The following DOCK9 variants were observed in gnomAD, a reference collection of about 807,000 sequenced individuals.
DOCK9 encodes the protein dedicator of cytokinesis protein 9.
DOCK9 carries 89 observed loss-of-function variants against 263.3 expected under a neutral mutation model. That is an observed-to-expected ratio of 0.34 (90% CI 0.28 to 0.40). The LOEUF (loss-of-function observed/expected upper bound fraction) is 0.40. Among genes scored for constraint, DOCK9 ranks in the 10% least tolerant of loss-of-function variants. The probability of loss-of-function intolerance (pLI) is 1.00; values close to 1 mark genes in which losing one functional copy is unlikely to be tolerated. For missense variants in DOCK9, 2,140 were observed against 2,603.4 expected, an observed-to-expected ratio of 0.82 and a Z score of 3.87; for synonymous variants, 976 against 973.1, an observed-to-expected ratio of 1.00 and a Z score of -0.06.
intron 38 of DOCK9, among the ~76,000 whole-genome samples, chr13:98,841,645 G>C (rs1266473419): frequency 7.1e-6 from 1 of 140,420 alleles, no homozygotes; most frequent in African/African-American, 2.6e-5. Flanking sequence ...TTTTGGAGAC[G>C]AAGTCTCGCT....
intron 34 of DOCK9, 28 bp downstream of exon 34, chr13:98,855,870 A>G: frequency 6.2e-7 from 1 of 1,612,050 alleles, no homozygotes; most frequent in South Asian, 1.1e-5. Flanking sequence ...ATTATAAGAA[A>G]CATTTGTGTT....
chr13:98,915,635 T>A, intron 7 of DOCK9, 132 bp from the exon 8 acceptor site: 1 of 756,060 alleles, frequency 1.3e-6, no homozygotes, highest in Non-Finnish European at 2.0e-6. Context: ...GCTTGCCCCC[T>A]CCTCATGAAA....
At chr13:98,854,391 A>G (rs1194472639) in intron 34 of DOCK9, 1 of 151,530 alleles carries the variant, frequency 6.6e-6, no homozygotes, top group East Asian at 1.9e-4. Flanking sequence ...TGGCCAATTG[A>G]AAAAAAAATT....
intron 1 of DOCK9, among the ~76,000 whole-genome samples, chr13:99,049,612 G>A (rs2040595022): frequency 6.6e-6 from 1 of 152,092 alleles, no homozygotes; most frequent in South Asian, 2.1e-4. Context: ...CAACCTCTAG[G>A]CTCAAGTGAT....
intron 47 of DOCK9, 56 bp downstream of exon 47, chr13:98,809,296 T>G: frequency 1.4e-6 from 2 of 1,459,772 alleles, no homozygotes; most frequent in Non-Finnish European, 1.9e-6. Flanking sequence ...TTTGTTTTTG[T>G]TTTTGTTTTT....
At chr13:98,918,546 C>G (rs1003185536) in intron 7 of DOCK9, among the ~76,000 whole-genome samples, 3 of 151,818 alleles carry the variant, frequency 2.0e-5, no homozygotes, top group African/African-American at 7.3e-5. Context: ...AAGAGAAGAC[C>G]ACAAAGAACA....
intron 18 of DOCK9, among the ~76,000 whole-genome samples, chr13:98,887,615 CAAAAAAAA>C (rs58976892): frequency 0.066 from 2,466 of 37,184 alleles, 33 homozygotes; most frequent in Non-Finnish European, 0.084. Context: ...GACTCCATCT[CAAAAAAAA>C]AAAAAAAAAA....
At chr13:98,834,780 G>C (rs778180188) in intron 39 of DOCK9, among the ~76,000 whole-genome samples, 1 of 152,168 alleles carries the variant, frequency 6.6e-6, no homozygotes, top group Non-Finnish European at 1.5e-5. Context: ...GTATATATCT[G>C]ATACCTGCTA....
At chr13:99,080,347 C>T (rs1313075671) in intron 1 of DOCK9, among the ~76,000 whole-genome samples, 1 of 152,144 alleles carries the variant, frequency 6.6e-6, no homozygotes, top group African/African-American at 2.4e-5. Context: ...AAAACAGTCA[C>T]ATTATTTACT....
At chr13:98,915,690 A>G (rs2050786515) in intron 7 of DOCK9, among the ~76,000 whole-genome samples, 187 bp from the exon 8 acceptor site, 1 of 132,298 alleles carries the variant, frequency 7.6e-6, no homozygotes, top group South Asian at 2.6e-4. Context: ...TCCCTGCTTC[A>G]CTTTCTGCAA....
intron 52 of DOCK9, among the ~76,000 whole-genome samples, chr13:98,796,001 C>T (rs562288490): frequency 6.6e-6 from 1 of 152,192 alleles, no homozygotes; most frequent in African/African-American, 2.4e-5. Context: ...TCAGATGATC[C>T]ACCCATCTTG....
chr13:99,015,963 C>G (rs1885349054), intron 1 of DOCK9: 1 of 204,324 alleles, frequency 4.9e-6, no homozygotes, highest in Admixed American at 6.3e-5. Context: ...ACTGCCGGCT[C>G]CTGTGATTTG....
chr13:99,029,019 G>A (rs1887066288), intron 1 of DOCK9, among the ~76,000 whole-genome samples: 1 of 152,124 alleles, frequency 6.6e-6, no homozygotes, highest in Non-Finnish European at 1.5e-5. Context: ...TCTCTGTTAG[G>A]CTCTGCCACC....
At position 98,886,600 on chromosome 13, in the gene DOCK9, G is replaced by A. The variant is rs745830582; in HGVS notation, c.2068C>T (p.Pro690Ser). Residue 690 changes from proline to serine, a missense_variant, in exon 19 of 53, where the codon CCA becomes TCA. This residue lies in a region of DOCK9 where 1,521 missense variants were observed against 1,741.7 expected (regional missense o/e 0.87). Coordinates refer to ENST00000682017, the MANE Select transcript of DOCK9 (RefSeq NM_001366683.2). ...LKCIYGRPGG[P>S]VFTRSAFAAV... The stretch of plus-strand genomic sequence containing the variant: ...GCAAAGGCGCTTCTTGTGAAAACTG[G>A]CCCACCAGGTCTGCCATAAATGCAC... The A allele has an allele frequency of 6.2e-7, 1 of 1,613,656 alleles. No individual in the cohort carries two copies.
At position 98,903,056 on chromosome 13, in the gene DOCK9, T is replaced by A; in HGVS notation, c.1092A>T (p.Gly364=). The A allele has an allele frequency of 6.5e-7, 1 of 1,537,040 alleles. No homozygotes were observed. Among genetic ancestry groups the A allele is most frequent in the Admixed American group, 2.1e-5 (1 of 48,484 alleles). ...CATTGCACTTGACAAGGATCCTTTT[T>A]CCAAACTTCTCTTCAAATGACTTCA... is the stretch of plus-strand genomic sequence containing the variant. ...PEVKSFEEKF[G]KRILVKCNDL... The change falls in exon 11 of 53, where the codon GGA becomes GGT. Residue 364 remains glycine (G), a synonymous_variant. Transcript: ENST00000682017.
intron 2 of DOCK9, among the ~76,000 whole-genome samples, chr13:98,952,945 AAC>A (rs1444252426): frequency 6.6e-6 from 1 of 152,228 alleles, no homozygotes; most frequent in African/African-American, 2.4e-5. Context: ...TATGAAATAA[AAC>A]ACTTTCCCCA....
chr13:99,068,681 A>G (rs1449923188), intron 1 of DOCK9, among the ~76,000 whole-genome samples: 1 of 152,160 alleles, frequency 6.6e-6, no homozygotes, highest in Non-Finnish European at 1.5e-5. Flanking sequence ...TAAAAAAAAA[A>G]AATCATTTAA....
At chr13:99,007,111 C>T (rs372579571) in intron 1 of DOCK9, among the ~76,000 whole-genome samples, 11 of 151,306 alleles carry the variant, frequency 7.3e-5, no homozygotes, top group African/African-American at 2.7e-4. Flanking sequence ...AAATTTAGGC[C>T]AGGTGCAGTG....
chr13:98,971,114 T>A (rs182147235), intron 1 of DOCK9, among the ~76,000 whole-genome samples: 15 of 152,348 alleles, frequency 9.8e-5, no homozygotes, highest in African/African-American at 3.4e-4. Flanking sequence ...TTAGAGATTA[T>A]GTACGACAGG....
Sources: allele counts gnomAD v4.1 joint callset (sites outside exome capture counted in the v4.1 genomes callset), GRCh38; gene constraint gnomAD v4.1.1; regional missense constraint gnomAD v4.1.1; transcripts MANE v1.5; gene names NCBI Gene and HGNC (gene_info 2026-07-23, HGNC 2026-07-21).